Variants in CIAO3 observed in about 807,000 individuals in gnomAD.
The protein encoded by CIAO3 is LET1 like/JFP15.
A neutral mutation model predicts 51.5 loss-of-function variants in CIAO3; 45 were observed. The observed-to-expected ratio is 0.87, with a 90% CI of 0.69 to 1.12. The LOEUF (loss-of-function observed/expected upper bound fraction) is 1.12. Among genes scored for constraint, CIAO3 ranks in the 50% most tolerant of loss-of-function variants. The pLI is 0.00. For synonymous variants in CIAO3, 314 were observed against 269.3 expected (o/e 1.17, Z -1.63); for missense variants, 668 against 632.5 (o/e 1.06, Z -0.60).
chr16:737,538 A>G lies in CIAO3; in HGVS notation c.163-209T>C. The G allele has an allele frequency of 6.6e-7, 1 of 1,512,364 alleles. No individual in the cohort carries two copies. The highest frequency in any genetic ancestry group is 2.6e-5 in the East Asian group (1 of 39,096). The allele number at this position is 1,512,364 out of a possible 1,614,324, so 93.7% of individuals were successfully genotyped here. A position where few individuals can be genotyped will look rare whatever the true frequency, so the allele number is the denominator to read the frequency against. ...AATGCCGTCAAGTCTGCTTCTTGGT[A>G]CCACTTGGTTAGTGCATCCGAATCA... is the stretch of plus-strand genomic sequence containing the variant. On this transcript the variant is annotated intron_variant, in intron 2 of 10. Coordinates refer to ENST00000251588, the MANE Select transcript of CIAO3 (RefSeq NM_022493.3). The surrounding 1 kb of genome is among the most constrained non-coding windows in gnomAD (Gnocchi z 5.3).
Position 731,675 on chromosome 16 carries a change from G to A in CIAO3, c.924C>T (p.Pro308=), listed in dbSNP as rs2041284608. 2.6e-6 allele frequency: 4 copies of A among 1,557,846 alleles called. No homozygotes were observed. Among genetic ancestry groups the A allele is most frequent in the Non-Finnish European group, 3.5e-6 (4 of 1,152,568 alleles). ...SLCSGASAEE[P]TSHRGGGSGG... ...CCGAGCCCCCTCCCCGATGGCTGGT[G>A]GGCTCCTCTGCAGAGGCACCGCTGC... Residue 308 remains proline, a synonymous_variant, in exon 9 of 11, where the codon CCC becomes CCT. Coordinates refer to ENST00000251588, the MANE Select transcript of CIAO3 (RefSeq NM_022493.3).
chr16:734,875 G>A lies in CIAO3; in HGVS notation c.440-4C>T. ...GTGTCGAAGACGAAGTGCACCCCTG[G>A]AAGGTGAAGGTGGGTGCCTGGTTAA... On this transcript the variant is annotated splice_polypyrimidine_tract_variant and splice_region_variant and intron_variant, in intron 4 of 10. Coordinates refer to ENST00000251588, the MANE Select transcript of CIAO3 (RefSeq NM_022493.3). 3 of 1,544,648 alleles carry A rather than the reference G, an allele frequency of 1.9e-6. No homozygotes were observed. Among genetic ancestry groups the A allele is most frequent in the South Asian group, 1.2e-5 (1 of 81,176 alleles).
intron 6 of CIAO3, chr16:733,913 G>A (rs1692868211): frequency 2.4e-6 from 1 of 411,920 alleles, no homozygotes; most frequent in Non-Finnish European, 4.6e-6. Flanking sequence ...CTCAGGTGGG[G>A]GTCGTGCTGG....
intron 10 of CIAO3, 41 bp downstream of exon 10, chr16:730,802 C>T (rs200888242): frequency 1.0e-4 from 168 of 1,606,318 alleles, no homozygotes; most frequent in Middle Eastern, 1.7e-4. Flanking sequence ...CAGCTCTGCT[C>T]CCAGAAGGGG....
intron 8 of CIAO3, 46 bp downstream of exon 8, chr16:732,255 A>G (rs769678114): frequency 6.4e-7 from 1 of 1,551,160 alleles, no homozygotes; most frequent in Non-Finnish European, 8.8e-7. Context: ...CCTCAGAGGC[A>G]GCGTTAGAAG....
rs866077445 is a variant in CIAO3 at position 736,371 on chromosome 16, C to T, written c.334G>A (p.Val112Ile). 7 of 1,613,008 alleles carry T rather than the reference C, an allele frequency of 4.3e-6. No individual in the cohort carries two copies. The African/African-American group carries it at 5.3e-5, about 12-fold the overall frequency. Residue 112 changes from valine to isoleucine, a missense_variant, in exon 4 of 11, where the codon GTT (valine) becomes ATT (isoleucine). Transcript: ENST00000251588. ...KMAAPSQQRLVVVSVSPQSRA... is the reference protein window; with the variant it reads ...KMAAPSQQRLIVVSVSPQSRA... Reference sequence around the variant, plus strand: ...GACTGTGGTGAGACCGAAACTACAACCAGCCTCTGCTGACTGGGTGCCGCC... The same window carrying T: ...GACTGTGGTGAGACCGAAACTACAATCAGCCTCTGCTGACTGGGTGCCGCC...
chr16:733,381 T>C lies in CIAO3; in HGVS notation c.740A>G (p.Tyr247Cys), dbSNP rs771005781. ...KIYHVTVMPCYDKKLEASRPD... is the reference protein window; with the variant it reads ...KIYHVTVMPCCDKKLEASRPD... ...TCTGGAGGCTTCCAGCTTTTTGTCA[T>C]AGCAGGGCATCACTGTGACGTGGTA... The change falls in exon 7 of 11, where the codon TAT becomes TGT. Residue 247 changes from tyrosine to cysteine, a missense_variant. Physicochemically the swap from Tyr to Cys is radical, Grantham distance 194 (BLOSUM62 -2). Coordinates refer to ENST00000251588, the MANE Select transcript of CIAO3 (RefSeq NM_022493.3). The C allele has an allele frequency of 1.2e-6, 2 of 1,613,784 alleles. No homozygotes were observed. The highest frequency in any genetic ancestry group is 1.6e-4 in the Middle Eastern group (1 of 6,084).
Position 730,974 on chromosome 16 carries a change from A to C in CIAO3, c.1061T>G (p.Leu354Arg). The C allele has an allele frequency of 1.2e-6, 2 of 1,612,822 alleles. No individual in the cohort carries two copies. The highest frequency in any genetic ancestry group is 1.7e-6 in the Non-Finnish European group (2 of 1,179,938). ...LRNKDFQEVT[L>R]EKEGQVLLHF... ...CAGCAGCACCTGGCCCTCCTTCTCCAGTGTCACCTCCTGGAAGTCTTTGTT... is the reference window on the plus strand; with the variant it reads ...CAGCAGCACCTGGCCCTCCTTCTCCCGTGTCACCTCCTGGAAGTCTTTGTT... Residue 354 changes from leucine (L) to arginine (R), a missense_variant, in exon 10 of 11, where the codon CTG becomes CGG. By Grantham distance (102) the Leu-to-Arg change is moderately radical. Coordinates refer to ENST00000251588, the MANE Select transcript of CIAO3 (RefSeq NM_022493.3).
chr16:733,095 G>A, intron 7 of CIAO3: 1 of 606,644 alleles, frequency 1.6e-6, no homozygotes, highest in South Asian at 2.0e-5. Context: ...GCGCCACCTG[G>A]CTGCAGGTCC....
At position 737,708 on chromosome 16, in the gene CIAO3, G is replaced by A; in HGVS notation, c.163-379C>T. ...CCGAAGGTGGGCTCTGAAAGGAGGA[G>A]GCGGGAAAGCTGAGGACAAAGGAGG... is the stretch of plus-strand genomic sequence containing the variant. On this transcript the variant is annotated intron_variant, in intron 2 of 10. Coordinates refer to ENST00000251588, the MANE Select transcript of CIAO3 (RefSeq NM_022493.3). The surrounding 1 kb of genome is among the most constrained non-coding windows in gnomAD (Gnocchi z 5.3). 7.7e-7 allele frequency: 1 copy of A among 1,299,538 alleles called. No individual in the cohort carries two copies. Among genetic ancestry groups the A allele is most frequent in the Non-Finnish European group, 1.0e-6 (1 of 995,792 alleles). 80.5% of individuals were successfully genotyped at this position (1,299,538 alleles called of 1,614,324 possible).
Position 737,454 on chromosome 16 carries a change from G to T in CIAO3, c.163-125C>A. 6 of 1,551,266 alleles carry T rather than the reference G, an allele frequency of 3.9e-6. No homozygotes were observed. Among genetic ancestry groups the T allele is most frequent in the Non-Finnish European group, 5.2e-6 (6 of 1,149,928 alleles). On this transcript the variant is annotated intron_variant, in intron 2 of 10. Transcript: ENST00000251588. This position sits in a 1 kb window ranked among gnomAD's most constrained non-coding sequence, Gnocchi z 5.3. The stretch of plus-strand genomic sequence containing the variant: ...CTGCTGGCTGGGCTTGTGTGCCGCT[G>T]AATTTTTAAAAATTAGGTATGTATT...
chr16:732,758 T>C (rs1287105808), intron 7 of CIAO3: 1 of 349,756 alleles, frequency 2.9e-6, no homozygotes. Context: ...TGCCTCAGCC[T>C]CCCGAGTAGC....
intron 1 of CIAO3, 182 bp from the exon 2 acceptor site, chr16:739,920 G>T: frequency 7.5e-7 from 1 of 1,329,028 alleles, no homozygotes; most frequent in Non-Finnish European, 1.0e-6. Context: ...CCAGGGATCG[G>T]GTTCCCAACA....
At position 737,825 on chromosome 16, in the gene CIAO3, CCAAA is replaced by C; in HGVS notation, c.163-500_163-497del. 1.7e-6 allele frequency: 2 copies of C among 1,190,430 alleles called. No individual in the cohort carries two copies. The highest frequency in any genetic ancestry group is 2.1e-6 in the Non-Finnish European group (2 of 941,508). 73.7% of individuals were successfully genotyped at this position (1,190,430 alleles called of 1,614,324 possible). On this transcript the variant is annotated intron_variant, in intron 2 of 10. Transcript: ENST00000251588. The surrounding 1 kb of genome is among the most constrained non-coding windows in gnomAD (Gnocchi z 5.3). ...GGGGCAGAAACAACCGTCAGACTCG[CCAAA>C]CAGATGCAGGAACAAGGTGTTCCAG...
Position 731,685 on chromosome 16 carries a change from G to A in CIAO3, c.914C>T (p.Ala305Val), listed in dbSNP as rs2041284769. 2 of 1,557,580 alleles carry A rather than the reference G, an allele frequency of 1.3e-6. No individual in the cohort carries two copies. ...TCCCCGATGGCTGGTGGGCTCCTCT[G>A]CAGAGGCACCGCTGCACCTGGCAAG... ...PLDSLCSGAS[A>V]EEPTSHRGGG... Residue 305 changes from alanine to valine, a missense_variant, in exon 9 of 11, where the codon GCA becomes GTA. Coordinates refer to ENST00000251588, the MANE Select transcript of CIAO3 (RefSeq NM_022493.3).
rs759081771 is a variant in CIAO3 at position 734,377 on chromosome 16, C to T, written c.575-30G>A. The T allele has an allele frequency of 5.1e-5, 78 of 1,516,462 alleles. No individual in the cohort carries two copies. In the African/African-American group the frequency reaches 5.2e-4, roughly 10 times the overall value. The allele number at this position is 1,516,462 out of a possible 1,614,324, so 93.9% of individuals were successfully genotyped here. A position where few individuals can be genotyped will look rare whatever the true frequency, so the allele number is the denominator to read the frequency against. On this transcript the variant is annotated intron_variant, in intron 5 of 10. Transcript: ENST00000251588. ...GGTGACAGGGGGCACACGGGGCTGG[C>T]GGGGGCGCACGGCGGCCCCCGCACC...
chr16:733,149 G>T, intron 7 of CIAO3, 149 bp downstream of exon 7: 1 of 1,029,284 alleles, frequency 9.7e-7, no homozygotes, highest in Non-Finnish European at 1.4e-6. Context: ...GCTCCAAGGG[G>T]AGAGACGAAG....
chr16:737,321 C>A lies in CIAO3; in HGVS notation c.171G>T (p.Gly57=). 1 of 1,613,088 alleles carries A rather than the reference C, an allele frequency of 6.2e-7. No individual in the cohort carries two copies. Among genetic ancestry groups the A allele is most frequent in the African/African-American group, 1.3e-5 (1 of 75,048 alleles). ...GSYFQINQDG[G]TRRLEKAKVS... ...CCTTGGCCTTCTCCAGCCTCCGGGT[C>A]CCGCCGTCCTACAAGGGAGAAGAAC... Residue 57 remains glycine, a synonymous_variant, in exon 3 of 11, where the codon GGG becomes GGT. Transcript: ENST00000251588. The surrounding 1 kb of genome is among the most constrained non-coding windows in gnomAD (Gnocchi z 5.3).
rs1360454330 is a variant in CIAO3 at position 734,877 on chromosome 16, A to G, written c.440-6T>C. ...GTCGAAGACGAAGTGCACCCCTGGA[A>G]GGTGAAGGTGGGTGCCTGGTTAACC... On this transcript the variant is annotated splice_polypyrimidine_tract_variant and splice_region_variant and intron_variant, in intron 4 of 10. Transcript: ENST00000251588. 1.9e-6 allele frequency: 3 copies of G among 1,544,952 alleles called. No individual in the cohort carries two copies. Among genetic ancestry groups the G allele is most frequent in the Middle Eastern group, 1.7e-4 (1 of 5,716 alleles).
Sources: gnomAD v4.1 joint callset for allele counts on GRCh38, gnomAD v4.1.1 for gene constraint, Gnocchi (gnomAD v3.1) non-coding constraint, MANE v1.5 for transcripts, NCBI Gene and HGNC (gene_info 2026-07-23, HGNC 2026-07-21) for gene names.